Variants in TNC observed in about 807,000 individuals in gnomAD.
TNC encodes the protein tenascin.
In TNC, 109 loss-of-function variants were observed where a neutral mutation model predicts 202.4. The observed-to-expected ratio is 0.54, with a 90% CI of 0.46 to 0.63. TNC has a LOEUF of 0.63. Among genes scored for constraint, TNC ranks in the 30% least tolerant of loss-of-function variants. The pLI is 0.00. For missense variants in TNC, 2,756 were observed against 2,833.3 expected, an observed-to-expected ratio of 0.97 and a Z score of 0.62; for synonymous variants, 1,007 against 1,089.7, an observed-to-expected ratio of 0.92 and a Z score of 1.50.
intron 16 of TNC, among the ~76,000 whole-genome samples, chr9:115,047,553 G>A (rs1302002814): frequency 1.3e-5 from 2 of 152,102 alleles, no homozygotes; most frequent in Non-Finnish European, 2.9e-5. Context: ...CTGAAAAGCC[G>A]TGCAGTTAAA....
At chr9:115,052,636 G>C in intron 15 of TNC, 1 of 609,506 alleles carries the variant, frequency 1.6e-6, no homozygotes, top group South Asian at 1.9e-5. Flanking sequence ...AAATAAGAGA[G>C]TACACATTTG....
At chr9:115,101,611 G>A (rs1836242027) in intron 1 of TNC, among the ~76,000 whole-genome samples, 1 of 152,164 alleles carries the variant, frequency 6.6e-6, no homozygotes, top group African/African-American at 2.4e-5. Context: ...CAAGCCAATA[G>A]CAAGAGTATA....
chr9:115,065,000 A>G (rs1475562954), intron 10 of TNC, 81 bp from the exon 11 acceptor site: 21 of 1,506,960 alleles, frequency 1.4e-5, no homozygotes, highest in South Asian at 2.5e-5. Context: ...GGCAAACCCA[A>G]TGCCACATCT....
rs1030639314 is a variant in TNC, at chr9:115,085,791, G to A, written c.1867+73C>T. ...TGCATGAATGTTTATATATATAAAC[G>A]TAGTTTTCCAACCCATACTAGGAGT... On this transcript the variant is annotated intron_variant, in intron 3 of 27. Coordinates refer to ENST00000350763, the MANE Select transcript of TNC (RefSeq NM_002160.4). 31 of 1,341,228 alleles carry A rather than the reference G, an allele frequency of 2.3e-5. No individual in the cohort carries two copies. In the Middle Eastern group the frequency reaches 7.5e-4, roughly 32 times the overall value. The allele number at this position is 1,341,228 out of a possible 1,614,324, so 83.1% of individuals were successfully genotyped here.
intron 3 of TNC, 38 bp from the exon 4 acceptor site, chr9:115,084,510 G>A: frequency 6.2e-7 from 1 of 1,600,984 alleles, no homozygotes; most frequent in Admixed American, 1.7e-5. Flanking sequence ...TGTCAACAGT[G>A]TGTCCTCTAA....
intron 1 of TNC, among the ~76,000 whole-genome samples, chr9:115,108,305 G>A (rs1449091988): frequency 6.6e-6 from 1 of 152,164 alleles, no homozygotes; most frequent in Non-Finnish European, 1.5e-5. Context: ...ATGTCCTATG[G>A]TCAGGTATGT....
In TNC at chr9:115,021,005, G is replaced by A. The variant is rs963083810; in HGVS notation, c.*152C>T. The A allele has an allele frequency of 5.0e-6, 3 of 601,526 alleles. No homozygotes were observed. Among genetic ancestry groups the A allele is most frequent in the Non-Finnish European group, 5.9e-6 (2 of 340,674 alleles). 37.3% of individuals were successfully genotyped at this position (601,526 alleles called of 1,614,324 possible). A position where few individuals can be genotyped will look rare whatever the true frequency, so the allele number is the denominator to read the frequency against. ...TCACAGAGGAGGTGAGGCCCATGCT[G>A]TTGCCGTTGGCCCCAGGGATCCATG... On this transcript the variant is annotated 3_prime_UTR_variant, in exon 28 of 28. Coordinates refer to ENST00000350763, the MANE Select transcript of TNC (RefSeq NM_002160.4).
At chr9:115,093,293 A>G (rs1835369133) in intron 1 of TNC, among the ~76,000 whole-genome samples, 2 of 152,196 alleles carry the variant, frequency 1.3e-5, no homozygotes, top group Admixed American at 6.5e-5. Flanking sequence ...TCCCTGTAAT[A>G]TCTGCAAAAA....
chr9:115,044,589 C>A (rs1831037290), intron 17 of TNC, among the ~76,000 whole-genome samples: 1 of 151,646 alleles, frequency 6.6e-6, no homozygotes, highest in African/African-American at 2.4e-5. Context: ...TTTAGAACTG[C>A]AGGGCTTCTA....
intron 1 of TNC, among the ~76,000 whole-genome samples, chr9:115,093,088 AT>A (rs1288126875): frequency 6.6e-6 from 1 of 152,170 alleles, no homozygotes; most frequent in East Asian, 1.9e-4. Context: ...CCAACTGACC[AT>A]CTCCTTCCTC....
At chr9:115,069,161 T>A (rs186483621) in intron 10 of TNC, among the ~76,000 whole-genome samples, 2 of 152,352 alleles carry the variant, frequency 1.3e-5, no homozygotes, top group Admixed American at 1.3e-4. Context: ...AAGAGCAGAA[T>A]GTTCTGTATT....
Position 115,087,188 on chromosome 9 carries a change from T to A in TNC, c.543A>T (p.Lys181Asn). 1 of 1,614,232 alleles carries A rather than the reference T, an allele frequency of 6.2e-7. No homozygotes were observed. The highest frequency in any genetic ancestry group is 1.3e-5 in the African/African-American group (1 of 75,060). ...ATTCGGGCTCAGAGCAGTTGGGGCC[T>A]TTCCAGCCAGGTTCGCAGACACAGC... ...GCGCVCEPGW[K>N]GPNCSEPECP... Residue 181 changes from lysine (K) to asparagine (N), a missense_variant, in exon 3 of 28, where the codon AAA becomes AAT. Around this residue, in one of 2 missense-constraint regions of TNC, gnomAD observed 2,559 missense variants for 2,546.0 expected, o/e 1.01. Transcript: ENST00000350763.
At chr9:115,039,516 C>T (rs1830577674) in intron 19 of TNC, among the ~76,000 whole-genome samples, 1 of 152,196 alleles carries the variant, frequency 6.6e-6, no homozygotes, top group South Asian at 2.1e-4. Flanking sequence ...TCTCCTACTA[C>T]CCAACATCAC....
intron 1 of TNC, among the ~76,000 whole-genome samples, chr9:115,107,465 C>G (rs955959093): frequency 1.3e-5 from 2 of 152,190 alleles, no homozygotes; most frequent in Non-Finnish European, 2.9e-5. Flanking sequence ...AATAAGGAAA[C>G]TAACATTTTG....
chr9:115,106,573 A>G (rs1295440654), intron 1 of TNC, among the ~76,000 whole-genome samples: 1 of 152,170 alleles, frequency 6.6e-6, no homozygotes, highest in East Asian at 1.9e-4. Context: ...GGACTATAAT[A>G]TCTGTGTCTT....
At chr9:115,102,894 T>C (rs1481046209) in intron 1 of TNC, among the ~76,000 whole-genome samples, 1 of 152,238 alleles carries the variant, frequency 6.6e-6, no homozygotes. Context: ...TATTTCTTGG[T>C]TTGAACTTAC....
intron 1 of TNC, among the ~76,000 whole-genome samples, chr9:115,099,833 C>A (rs543723657): frequency 6.6e-6 from 1 of 152,318 alleles, no homozygotes; most frequent in Admixed American, 6.5e-5. Flanking sequence ...ATCTGGGAAG[C>A]CCTCTCTTTC....
intron 18 of TNC, among the ~76,000 whole-genome samples, chr9:115,041,312 G>A (rs1484954699): frequency 1.4e-5 from 2 of 145,820 alleles, no homozygotes; most frequent in African/African-American, 2.6e-5. Context: ...GGAGGGGCGG[G>A]GGAAAACATG....
intron 24 of TNC, 150 bp downstream of exon 24, chr9:115,030,104 T>C: frequency 1.4e-6 from 1 of 733,486 alleles, no homozygotes. Context: ...AATTCCTGAG[T>C]GCCTCTGTGT....
Sources: allele counts gnomAD v4.1 joint callset (sites outside exome capture counted in the v4.1 genomes callset), GRCh38; gene constraint gnomAD v4.1.1; regional missense constraint gnomAD v4.1.1; transcripts MANE v1.5; gene names NCBI Gene and HGNC (gene_info 2026-07-23, HGNC 2026-07-21).